Variants in CDH13 observed in about 807,000 individuals in gnomAD.
CDH13 encodes the protein cadherin 13, also known as cadherin-13.
In CDH13, 24 loss-of-function variants were observed where a neutral mutation model predicts 63.8. That is an observed-to-expected ratio of 0.38 (90% CI 0.27 to 0.53). The LOEUF (loss-of-function observed/expected upper bound fraction) is 0.53. Ranked by LOEUF, CDH13 falls within the 20% of genes least tolerant of loss-of-function variation. The pLI is 0.85. For missense variants in CDH13, 1,049 were observed against 903.1 expected (o/e 1.16, Z -2.07); for synonymous variants, 503 against 355.3 (o/e 1.42, Z -4.67).
intron 10 of CDH13, among the ~76,000 whole-genome samples, chr16:83,714,107 C>G (rs1908516036): frequency 6.6e-6 from 1 of 152,294 alleles, no homozygotes; most frequent in East Asian, 1.9e-4. Context: ...CTGCCCTACG[C>G]CAAATCAGGT....
At chr16:82,682,973 G>T (rs1914703513) in intron 1 of CDH13, among the ~76,000 whole-genome samples, 1 of 152,172 alleles carries the variant, frequency 6.6e-6, no homozygotes, top group Non-Finnish European at 1.5e-5. Flanking sequence ...TCTCCAGGAA[G>T]CAGCTCTGAA....
intron 6 of CDH13, among the ~76,000 whole-genome samples, chr16:83,483,161 G>A (rs1387442297): frequency 1.3e-5 from 2 of 152,158 alleles, no homozygotes; most frequent in African/African-American, 4.8e-5. Flanking sequence ...CGTCACCTCA[G>A]AGTCGTTGTC....
intron 1 of CDH13, among the ~76,000 whole-genome samples, chr16:82,666,137 G>A (rs2150934432): frequency 6.6e-6 from 1 of 152,166 alleles, no homozygotes; most frequent in Non-Finnish European, 1.5e-5. Context: ...TCTCACGTCT[G>A]TTTTTTTGCC....
chr16:82,660,345 T>A (rs1435344060), intron 1 of CDH13, among the ~76,000 whole-genome samples: 1 of 152,130 alleles, frequency 6.6e-6, no homozygotes, highest in Non-Finnish European at 1.5e-5. Context: ...GGGTGGTATT[T>A]AAAATATGTC....
intron 1 of CDH13, among the ~76,000 whole-genome samples, chr16:82,738,530 T>C (rs2033789734): frequency 6.6e-6 from 1 of 152,212 alleles, no homozygotes; most frequent in Non-Finnish European, 1.5e-5. Context: ...CCAAATTCCT[T>C]AGCTTAGTAG....
intron 2 of CDH13, among the ~76,000 whole-genome samples, chr16:82,950,268 A>G (rs921296676): frequency 2.0e-5 from 3 of 151,556 alleles, no homozygotes; most frequent in East Asian, 2.0e-4. Context: ...CCCAATCTCA[A>G]CCTTCCCTTT....
At chr16:82,810,510 A>G (rs2037389930) in intron 1 of CDH13, among the ~76,000 whole-genome samples, 1 of 152,170 alleles carries the variant, frequency 6.6e-6, no homozygotes, top group Non-Finnish European at 1.5e-5. Flanking sequence ...TTGGCCTGGA[A>G]TGAGAGATGC....
At chr16:83,583,128 G>C (rs1244013613) in intron 7 of CDH13, among the ~76,000 whole-genome samples, 1 of 152,154 alleles carries the variant, frequency 6.6e-6, no homozygotes, top group Non-Finnish European at 1.5e-5. Context: ...CAAAGCTCCA[G>C]TCTCTGCTTC....
intron 10 of CDH13, 137 bp from the exon 11 acceptor site, chr16:83,747,971 T>C: frequency 1.1e-6 from 1 of 891,402 alleles, no homozygotes; most frequent in East Asian, 2.4e-5. Flanking sequence ...AATGAGCAAC[T>C]GTAACAGAAA....
intron 3 of CDH13, among the ~76,000 whole-genome samples, chr16:83,107,789 C>G (rs969268022): frequency 6.7e-6 from 1 of 149,222 alleles, no homozygotes; most frequent in African/African-American, 2.5e-5. Context: ...TTTGTCCCTC[C>G]TCTTTTCTTT....
rs142020752 is a variant in CDH13, at chr16:83,793,454, C to T, written c.2135-1569C>T. On this transcript the variant is annotated intron_variant, in intron 13 of 13. Transcript: ENST00000567109. ...GAGCCACGAGCAGGTGCTGGGAAGA[C>T]AGGCTCTTGAACGCACACTATGCTG... is the stretch of plus-strand genomic sequence containing the variant. Among the ~76,000 whole-genome samples, 228 of 152,288 alleles carry T rather than the reference C, an allele frequency of 1.5e-3. 2 individuals carry two copies. The highest frequency in any genetic ancestry group is 5.1e-3 in the African/African-American group (213 of 41,554).
chr16:83,752,389 A>C (rs958911031), intron 11 of CDH13, among the ~76,000 whole-genome samples: 2 of 152,174 alleles, frequency 1.3e-5, no homozygotes, highest in African/African-American at 4.8e-5. Context: ...ACAAAACCAA[A>C]ATTTGCAGAT....
intron 2 of CDH13, among the ~76,000 whole-genome samples, chr16:82,951,186 C>G (rs2151323359): frequency 6.6e-6 from 1 of 152,124 alleles, no homozygotes; most frequent in South Asian, 2.1e-4. Context: ...TTGTCCTCTA[C>G]AAAAGTCAGT....
At chr16:83,668,485 C>A (rs1914206746) in intron 8 of CDH13, among the ~76,000 whole-genome samples, 1 of 152,222 alleles carries the variant, frequency 6.6e-6, no homozygotes. Context: ...CTAGCCTTAG[C>A]CCATTTCATG....
Position 83,529,896 on chromosome 16 carries a change from G to A in CDH13, c.960+43241G>A, listed in dbSNP as rs1208034668. Among the ~76,000 whole-genome samples the A allele has an allele frequency of 4.6e-5, 7 of 152,172 alleles. No individual in the cohort carries two copies. The East Asian group carries it at 1.2e-3, about 25-fold the overall frequency. On this transcript the variant is annotated intron_variant, in intron 7 of 13. Coordinates refer to ENST00000567109, the MANE Select transcript of CDH13 (RefSeq NM_001257.5). Reference sequence around the variant, plus strand: ...TCATATGTATTTGTAATAAAATAACGTTATTAAAATCACTTATAAAGGAAA... The same window carrying A: ...TCATATGTATTTGTAATAAAATAACATTATTAAAATCACTTATAAAGGAAA...
intron 1 of CDH13, among the ~76,000 whole-genome samples, chr16:82,695,047 T>C (rs930864851): frequency 1.3e-5 from 2 of 151,650 alleles, no homozygotes; most frequent in Non-Finnish European, 2.9e-5. Flanking sequence ...TATCCCAAGG[T>C]GGAGGAGGCA....
intron 6 of CDH13, among the ~76,000 whole-genome samples, chr16:83,385,589 T>C (rs1456827277): frequency 6.6e-6 from 1 of 152,176 alleles, no homozygotes; most frequent in African/African-American, 2.4e-5. Context: ...CTCTAGAACA[T>C]GGGGTCTCTA....
rs184900770 is a variant in CDH13 at position 83,681,601 on chromosome 16, C to A, written c.1538+3140C>A. On this transcript the variant is annotated intron_variant, in intron 10 of 13. Coordinates refer to ENST00000567109, the MANE Select transcript of CDH13 (RefSeq NM_001257.5). The stretch of plus-strand genomic sequence containing the variant: ...CCTCCTACCCACCTTTCCCTCCTTT[C>A]TCTTTCTTCCCCTCCACCCCTCTCC... Among the ~76,000 whole-genome samples the A allele has an allele frequency of 1.7e-3, 263 of 152,266 alleles. 1 individual carries two copies. The highest frequency in any genetic ancestry group is 3.4e-3 in the Middle Eastern group (1 of 294).
intron 2 of CDH13, among the ~76,000 whole-genome samples, chr16:82,941,967 A>G (rs1249606562): frequency 6.6e-6 from 1 of 152,226 alleles, no homozygotes. Context: ...AGATGCATGA[A>G]TTACAAGTCT....
Sources: allele counts gnomAD v4.1 joint callset (sites outside exome capture counted in the v4.1 genomes callset), GRCh38; gene constraint gnomAD v4.1.1; transcripts MANE v1.5; gene names NCBI Gene and HGNC (gene_info 2026-07-23, HGNC 2026-07-21).